Variants in PCDHA4 observed in about 807,000 individuals in gnomAD.
PCDHA4 encodes the protein protocadherin alpha-4.
PCDHA4 carries 49 observed loss-of-function variants against 61.4 expected under a neutral mutation model. The ratio of observed to expected loss-of-function variants is 0.80; its 90% CI spans 0.63 to 1.01. PCDHA4 has a LOEUF of 1.01. Ranked by LOEUF, PCDHA4 falls within the 50% of genes least tolerant of loss-of-function variation. The probability of loss-of-function intolerance (pLI) is 0.00; values close to 1 mark genes in which losing one functional copy is unlikely to be tolerated. For missense variants in PCDHA4, 1,254 were observed against 1,235.8 expected (o/e 1.01, Z -0.22); for synonymous variants, 590 against 550.3 (o/e 1.07, Z -1.01).
At chr5:140,885,291 G>A (rs1554182107) in intron 1 of PCDHA4, among the ~76,000 whole-genome samples, 6 of 152,132 alleles carry the variant, frequency 3.9e-5, no homozygotes, top group Non-Finnish European at 8.8e-5. Context: ...TATATAGAGA[G>A]AGACCTGGTA....
At chr5:140,870,912 C>T (rs1554164817) in intron 1 of PCDHA4, 1 of 1,613,952 alleles carries the variant, frequency 6.2e-7, no homozygotes, top group Admixed American at 1.7e-5. Flanking sequence ...CAGGCTACAA[C>T]GCGTGGCTTT....
rs561153933 is a variant in PCDHA4, at chr5:140,927,279, G to A, written c.2386-51670G>A. Reference sequence around the variant, plus strand: ...CACCTCTCTTTCCTGCCGGCGACGTGCAGCTGCACATCCCCGAGTTCCTGA... The same window carrying A: ...CACCTCTCTTTCCTGCCGGCGACGTACAGCTGCACATCCCCGAGTTCCTGA... On this transcript the variant is annotated intron_variant, in intron 1 of 3. Transcript: ENST00000530339. 14 of 1,614,136 alleles carry A rather than the reference G, an allele frequency of 8.7e-6. 1 individual carries two copies. The South Asian group carries it at 1.4e-4, about 16-fold the overall frequency.
At chr5:140,898,622 A>C (rs1286354840) in intron 1 of PCDHA4, among the ~76,000 whole-genome samples, 1 of 152,172 alleles carries the variant, frequency 6.6e-6, no homozygotes, top group Admixed American at 6.5e-5. Context: ...GTCAGGTAGC[A>C]TAATGCCTCC....
At chr5:140,943,861 A>AG (rs2093579644) in intron 1 of PCDHA4, among the ~76,000 whole-genome samples, 1 of 152,230 alleles carries the variant, frequency 6.6e-6, no homozygotes, top group South Asian at 2.1e-4. Flanking sequence ...AGTCAAGAAG[A>AG]GGTCTCTGAA....
chr5:140,809,399 A>G lies in PCDHA4; in HGVS notation c.2212A>G (p.Thr738Ala). Reference protein sequence around the residue: ...TEGACAPGKPTLVCSSAVGSW... With the variant: ...TEGACAPGKPALVCSSAVGSW... ...GGGCGCGTGCGCTCCGGGCAAGCCC[A>G]CGCTGGTGTGCTCCAGTGCGGTGGG... Residue 738 changes from threonine (T) to alanine (A), a missense_variant, in exon 1 of 4, where the codon ACG (threonine) becomes GCG (alanine). Coordinates refer to ENST00000530339, the MANE Select transcript of PCDHA4 (RefSeq NM_018907.4). 6.2e-7 allele frequency: 1 copy of G among 1,614,104 alleles called. No individual in the cohort carries two copies. The highest frequency in any genetic ancestry group is 1.1e-5 in the South Asian group (1 of 91,060).
chr5:140,887,853 C>G (rs145942561), intron 1 of PCDHA4, among the ~76,000 whole-genome samples: 1 of 152,170 alleles, frequency 6.6e-6, no homozygotes, highest in African/African-American at 2.4e-5. Flanking sequence ...GACATATTTT[C>G]CAAGTTCACT....
chr5:140,861,396 C>T, intron 1 of PCDHA4: 1 of 455,520 alleles, frequency 2.2e-6, no homozygotes, highest in Non-Finnish European at 4.5e-6. Context: ...GGGTCTGGAG[C>T]TTGTGGAGCT....
intron 1 of PCDHA4, among the ~76,000 whole-genome samples, chr5:140,951,950 G>A (rs1408300368): frequency 6.6e-6 from 1 of 152,120 alleles, no homozygotes; most frequent in Non-Finnish European, 1.5e-5. Flanking sequence ...GCGGGTACAG[G>A]CATTGGGTAA....
intron 1 of PCDHA4, chr5:140,842,506 C>T: frequency 6.2e-7 from 1 of 1,613,804 alleles, no homozygotes; most frequent in South Asian, 1.1e-5. Context: ...ATGTCCCCTT[C>T]AAGCTGGTGT....
At chr5:140,909,312 A>AT (rs1365428416) in intron 1 of PCDHA4, among the ~76,000 whole-genome samples, 1 of 152,244 alleles carries the variant, frequency 6.6e-6, no homozygotes, top group Non-Finnish European at 1.5e-5. Context: ...AGAAAAAGGC[A>AT]TTTGCCAAAT....
rs782641512 is a variant in PCDHA4 at position 140,857,970 on chromosome 5, C to T, written c.2385+48398C>T. The T allele has an allele frequency of 1.9e-5, 30 of 1,596,836 alleles. 3 individuals are homozygous for T. The highest frequency in any genetic ancestry group is 1.1e-4 in the African/African-American group (8 of 74,204). ...ACGCGCGCTCTGGATGAGACTGACT[C>T]GCCACGCCAGCGCCTACTGGTGCTG... On this transcript the variant is annotated intron_variant, in intron 1 of 3. Coordinates refer to ENST00000530339, the MANE Select transcript of PCDHA4 (RefSeq NM_018907.4).
intron 1 of PCDHA4, among the ~76,000 whole-genome samples, chr5:140,820,965 T>A (rs1417845023): frequency 6.6e-6 from 1 of 152,098 alleles, no homozygotes; most frequent in Non-Finnish European, 1.5e-5. Context: ...TTTGAGTCAA[T>A]ACAAAAAGTA....
At chr5:140,817,750 T>A (rs2150098964) in intron 1 of PCDHA4, among the ~76,000 whole-genome samples, 4 of 152,246 alleles carry the variant, frequency 2.6e-5, no homozygotes, top group Non-Finnish European at 5.9e-5. Context: ...ATCATTTTCC[T>A]TCTGAAGAAA....
chr5:140,957,968 T>C (rs1276763203), intron 1 of PCDHA4, among the ~76,000 whole-genome samples: 1 of 152,154 alleles, frequency 6.6e-6, no homozygotes, highest in Non-Finnish European at 1.5e-5. Flanking sequence ...TCAGAGATGC[T>C]GTATAAATAG....
chr5:140,862,339 C>T (rs1221529489), intron 1 of PCDHA4: 2 of 332,834 alleles, frequency 6.0e-6, no homozygotes, highest in Non-Finnish European at 1.2e-5. Context: ...TTGACCCTAA[C>T]TTCAGTGCCA....
intron 3 of PCDHA4, among the ~76,000 whole-genome samples, chr5:140,995,110 C>T (rs1047046754): frequency 4.6e-5 from 7 of 152,198 alleles, no homozygotes; most frequent in Non-Finnish European, 7.3e-5. Flanking sequence ...TTCCAAGACC[C>T]TCAGTGGATG....
intron 1 of PCDHA4, among the ~76,000 whole-genome samples, chr5:140,965,879 G>A (rs920261632): frequency 6.6e-6 from 1 of 152,216 alleles, no homozygotes; most frequent in Non-Finnish European, 1.5e-5. Flanking sequence ...ACTTGGCCGA[G>A]AGCAGAATTG....
At chr5:140,823,535 G>A (rs2150126738) in intron 1 of PCDHA4, 13 of 1,613,680 alleles carry the variant, frequency 8.1e-6, no homozygotes, top group African/African-American at 2.7e-5. Flanking sequence ...GTGGGTGCGG[G>A]CCACGTGGTG....
At position 140,849,935 on chromosome 5, in the gene PCDHA4, G is replaced by C. The variant is rs2150458512; in HGVS notation, c.2385+40363G>C. The C allele has an allele frequency of 9.4e-6, 15 of 1,598,054 alleles. 1 individual carries two copies. In the East Asian group the frequency reaches 3.1e-4, roughly 33 times the overall value. On this transcript the variant is annotated intron_variant, in intron 1 of 3. Transcript: ENST00000530339. ...GCCACATCTTCACGGTGTCTGCGCG[G>C]GACGCTGACGCGCAGGAGAACGCCC...
Sources: allele counts gnomAD v4.1 joint callset (sites outside exome capture counted in the v4.1 genomes callset), GRCh38; gene constraint gnomAD v4.1.1; transcripts MANE v1.5; gene names NCBI Gene and HGNC (gene_info 2026-07-23, HGNC 2026-07-21).